SYCE2: variants seen among roughly 807,000 people sequenced by gnomAD.
SYCE2 encodes synaptonemal complex central element protein 2.
In SYCE2, 3 loss-of-function variants were observed where a neutral mutation model predicts 27.9. The ratio of observed to expected loss-of-function variants is 0.11; its 90% CI spans 0.05 to 0.28. The LOEUF is 0.28. Among genes scored for constraint, SYCE2 ranks in the 10% least tolerant of loss-of-function variants. SYCE2 has a pLI of 1.00. For synonymous variants in SYCE2, 85 were observed against 100.7 expected (o/e 0.84, Z 0.93); for missense variants, 207 against 263.5 (o/e 0.79, Z 1.48).
chr19:12,908,889 G>A (rs1032684489), intron 2 of SYCE2, among the ~76,000 whole-genome samples: 2 of 152,166 alleles, frequency 1.3e-5, no homozygotes, highest in Admixed American at 6.5e-5. Flanking sequence ...TCACACACTT[G>A]TTCTGCAGTG....
chr19:12,914,762 A>G (rs1971108348), intron 2 of SYCE2, among the ~76,000 whole-genome samples: 1 of 152,070 alleles, frequency 6.6e-6, no homozygotes, highest in African/African-American at 2.4e-5. Context: ...GGCATGCACC[A>G]CCACCCCTGG....
chr19:12,901,645 C>T (rs1172691308), intron 3 of SYCE2, among the ~76,000 whole-genome samples: 1 of 152,034 alleles, frequency 6.6e-6, no homozygotes, highest in African/African-American at 2.4e-5. Context: ...GGCGGAGTTT[C>T]GCTCTCATTG....
At chr19:12,900,746 T>G in intron 3 of SYCE2, 98 bp from the exon 4 acceptor site, 1 of 1,215,494 alleles carries the variant, frequency 8.2e-7, no homozygotes, top group South Asian at 1.5e-5. Flanking sequence ...ATTTATCTTA[T>G]GAAAATGACA....
chr19:12,905,569 G>A (rs1034023220), intron 2 of SYCE2, among the ~76,000 whole-genome samples: 1 of 152,084 alleles, frequency 6.6e-6, no homozygotes, highest in African/African-American at 2.4e-5. Flanking sequence ...CTGACCTCGT[G>A]ATCCGCCCGC....
chr19:12,918,471 AG>A, intron 1 of SYCE2, 134 bp from the exon 2 acceptor site: 1 of 772,736 alleles, frequency 1.3e-6, no homozygotes, highest in Non-Finnish European at 2.1e-6. Flanking sequence ...AAAGACGGGC[AG>A]GGCTGGGGCA....
At chr19:12,900,779 C>G (rs1970818242) in intron 3 of SYCE2, 131 bp from the exon 4 acceptor site, 2 of 888,364 alleles carry the variant, frequency 2.3e-6, no homozygotes, top group Admixed American at 2.5e-5. Context: ...CACGGTGGCT[C>G]ATGCCTGTAA....
At chr19:12,911,615 C>CTTT (rs71168633) in intron 2 of SYCE2, among the ~76,000 whole-genome samples, 54,035 of 103,466 alleles carry the variant, frequency 0.52, 15,241 homozygotes, top group East Asian at 0.79. Flanking sequence ...TAATTTTTGC[C>CTTT]TTTTTTTTTT....
Position 12,898,942 on chromosome 19 carries a change from C to G in SYCE2, c.*399G>C. The G allele has an allele frequency of 3.9e-6, 1 of 253,728 alleles. No individual in the cohort carries two copies. Among genetic ancestry groups the G allele is most frequent in the Non-Finnish European group, 7.7e-6 (1 of 129,094 alleles). 15.7% of individuals were successfully genotyped at this position (253,728 alleles called of 1,614,324 possible). On this transcript the variant is annotated 3_prime_UTR_variant, in exon 6 of 6. Coordinates refer to ENST00000293695, the MANE Select transcript of SYCE2 (RefSeq NM_001105578.2). ...TCTGGGAGAGGCGGCTTCAGATGGG[C>G]AGAGGTCAGCTGAGGCAAGTGACTG...
intron 2 of SYCE2, among the ~76,000 whole-genome samples, chr19:12,915,763 C>T (rs367575221): frequency 3.0e-4 from 46 of 152,244 alleles, no homozygotes; most frequent in African/African-American, 1.0e-3. Flanking sequence ...CCCACTCGCT[C>T]GCCTAGCCAC....
At chr19:12,912,864 T>C (rs1425220444) in intron 2 of SYCE2, among the ~76,000 whole-genome samples, 5 of 152,224 alleles carry the variant, frequency 3.3e-5, no homozygotes, top group Admixed American at 3.3e-4. Context: ...TGAGAGCTTC[T>C]TTATTTTTCC....
intron 3 of SYCE2, 127 bp downstream of exon 3, chr19:12,904,365 G>A: frequency 9.0e-7 from 1 of 1,110,364 alleles, no homozygotes; most frequent in Non-Finnish European, 1.3e-6. Context: ...CATCATAAGT[G>A]GAGGAGCTCC....
chr19:12,917,126 A>T (rs1172654034), intron 2 of SYCE2, among the ~76,000 whole-genome samples: 1 of 147,586 alleles, frequency 6.8e-6, no homozygotes, highest in African/African-American at 2.5e-5. Context: ...ATGCAATGGC[A>T]CAATCTTGGC....
At chr19:12,902,594 C>T (rs1000368852) in intron 3 of SYCE2, among the ~76,000 whole-genome samples, 3 of 152,040 alleles carry the variant, frequency 2.0e-5, no homozygotes, top group Admixed American at 1.3e-4. Flanking sequence ...GTGATCGTGC[C>T]ACTGCTCTGT....
intron 2 of SYCE2, among the ~76,000 whole-genome samples, chr19:12,913,312 T>C (rs948112594): frequency 2.0e-5 from 3 of 152,222 alleles, no homozygotes; most frequent in African/African-American, 7.2e-5. Flanking sequence ...AGACCATCTG[T>C]TCGCTCCAGG....
chr19:12,914,415 G>GGA (rs1314617641), intron 2 of SYCE2, among the ~76,000 whole-genome samples: 1 of 152,064 alleles, frequency 6.6e-6, no homozygotes, highest in Non-Finnish European at 1.5e-5. Context: ...CAAGCCGGTA[G>GGA]GAGCTGGCCC....
At chr19:12,907,245 C>T (rs1361130421) in intron 2 of SYCE2, among the ~76,000 whole-genome samples, 1 of 152,232 alleles carries the variant, frequency 6.6e-6, no homozygotes, top group Non-Finnish European at 1.5e-5. Flanking sequence ...AGAGTGGTTA[C>T]ACCACCTTCT....
At chr19:12,900,351 G>T in intron 4 of SYCE2, 109 bp downstream of exon 4, 1 of 1,256,824 alleles carries the variant, frequency 8.0e-7, no homozygotes. Context: ...AGGGACTGTG[G>T]CCTGGCGGGG....
chr19:12,910,977 T>A (rs1971037144), intron 2 of SYCE2, among the ~76,000 whole-genome samples: 1 of 151,488 alleles, frequency 6.6e-6, no homozygotes, highest in Non-Finnish European at 1.5e-5. Context: ...GCACCCGGCC[T>A]GACCTTTTTT....
chr19:12,900,060 C>T lies in SYCE2; in HGVS notation c.556G>A (p.Gly186Ser), dbSNP rs186538441. ...AACACGTCTGGGGGCTGTGAGTTGC[C>T]GGGACGTGGTGGGGACTTTCCCCTA... ...HSRGKSPPRP[G>S]NSQPPDVFVS... The change falls in exon 5 of 6, where the codon GGC becomes AGC. Residue 186 changes from glycine (G) to serine (S), a missense_variant. Coordinates refer to ENST00000293695, the MANE Select transcript of SYCE2 (RefSeq NM_001105578.2). The T allele has an allele frequency of 2.0e-3, 3,230 of 1,613,576 alleles. 6 individuals carry two copies. The highest frequency in any genetic ancestry group is 2.6e-3 in the Non-Finnish European group (3,009 of 1,179,958).
Sources: gnomAD v4.1 joint callset for allele counts (sites outside exome capture counted in the v4.1 genomes callset) on GRCh38, gnomAD v4.1.1 for gene constraint, MANE v1.5 for transcripts, NCBI Gene and HGNC (gene_info 2026-07-23, HGNC 2026-07-21) for gene names.